The following SSBP2 variants were observed in gnomAD, a reference collection of about 807,000 sequenced individuals.
The protein encoded by SSBP2 is single stranded DNA binding protein 2.
SSBP2 carries 17 observed loss-of-function variants against 61.8 expected under a neutral mutation model. That is an observed-to-expected ratio of 0.28 (90% CI 0.19 to 0.41). The LOEUF is 0.41. Ranked by LOEUF, SSBP2 falls within the 10% of genes least tolerant of loss-of-function variation. The pLI is 1.00. For missense variants in SSBP2, 310 were observed against 458.7 expected, an observed-to-expected ratio of 0.68 and a Z score of 2.96; for synonymous variants, 139 against 141.3, an observed-to-expected ratio of 0.98 and a Z score of 0.12.
intron 1 of SSBP2, among the ~76,000 whole-genome samples, chr5:81,662,486 T>A (rs1260069164): frequency 6.6e-6 from 1 of 151,138 alleles, no homozygotes; most frequent in Non-Finnish European, 1.5e-5. Context: ...ACAAAAAAAA[T>A]TATTTCCAAT....
At chr5:81,633,108 CTTTTTTT>C (rs143423636) in intron 3 of SSBP2, among the ~76,000 whole-genome samples, 5 of 64,852 alleles carry the variant, frequency 7.7e-5, no homozygotes, top group Non-Finnish European at 1.3e-4. Flanking sequence ...GAGCCTCTGT[CTTTTTTT>C]TTTTTTTTTT....
At chr5:81,719,676 G>GGCAT (rs1269627027) in intron 1 of SSBP2, among the ~76,000 whole-genome samples, 1 of 152,134 alleles carries the variant, frequency 6.6e-6, no homozygotes, top group Non-Finnish European at 1.5e-5. Context: ...AGGAGGAGGA[G>GGCAT]GCATGCCATG....
intron 1 of SSBP2, among the ~76,000 whole-genome samples, chr5:81,747,860 C>G (rs1420089493): frequency 6.6e-6 from 1 of 152,114 alleles, no homozygotes; most frequent in Non-Finnish European, 1.5e-5. Flanking sequence ...AAGAAATGAC[C>G]TAACAAGATC....
chr5:81,553,320 T>C (rs1215451104), intron 4 of SSBP2, among the ~76,000 whole-genome samples: 2 of 152,170 alleles, frequency 1.3e-5, no homozygotes, highest in Non-Finnish European at 1.5e-5. Context: ...GGCTGAGAGA[T>C]CAATTCTAAA....
chr5:81,668,667 T>C (rs1296982313), intron 1 of SSBP2, among the ~76,000 whole-genome samples: 1 of 152,106 alleles, frequency 6.6e-6, no homozygotes, highest in African/African-American at 2.4e-5. Context: ...CACCAGACAA[T>C]AGGTAAATAA....
chr5:81,416,403 G>A lies in SSBP2; in HGVS notation c.*4101C>T, dbSNP rs761597720. On this transcript the variant is annotated 3_prime_UTR_variant, in exon 17 of 17. Transcript: ENST00000320672. Reference sequence around the variant, plus strand: ...CTCTTAGTACTATACACTATATGCAGATGAAAATGGTAAGGGCTGAGAAGG... The same window carrying A: ...CTCTTAGTACTATACACTATATGCAAATGAAAATGGTAAGGGCTGAGAAGG... The A allele has an allele frequency of 6.6e-6, 1 of 152,130 alleles. No homozygotes were observed. Among genetic ancestry groups the A allele is most frequent in the African/African-American group, 2.4e-5 (1 of 41,410 alleles). The allele number at this position is 152,130 out of a possible 1,614,324, so 9.4% of individuals were successfully genotyped here.
At chr5:81,589,891 G>T (rs894620439) in intron 4 of SSBP2, among the ~76,000 whole-genome samples, 1 of 152,018 alleles carries the variant, frequency 6.6e-6, no homozygotes, top group African/African-American at 2.4e-5. Flanking sequence ...GAGAGAGAGA[G>T]ATCAAACTCA....
intron 4 of SSBP2, among the ~76,000 whole-genome samples, chr5:81,558,400 A>G (rs1772772422): frequency 6.6e-6 from 1 of 152,236 alleles, no homozygotes; most frequent in Non-Finnish European, 1.5e-5. Context: ...TGGTTTGCAG[A>G]TGGCTATCTT....
intron 8 of SSBP2, among the ~76,000 whole-genome samples, chr5:81,469,789 A>T (rs1765130686): frequency 1.3e-5 from 2 of 152,000 alleles, no homozygotes; most frequent in South Asian, 4.1e-4. Context: ...AGAAAGAATA[A>T]CAACTTGCTT....
chr5:81,421,472 C>T lies in SSBP2; in HGVS notation c.1057-939G>A, dbSNP rs146656934. Among the ~76,000 whole-genome samples, 386 of 152,248 alleles carry T rather than the reference C, an allele frequency of 2.5e-3. 1 individual carries two copies. Among genetic ancestry groups the T allele is most frequent in the African/African-American group, 8.7e-3 (362 of 41,530 alleles). Reference sequence around the variant, plus strand: ...CCTCCCGAAGTGCTGAGATTACAGGCGTGAGACCCTGTGCTCGGCCTGTGA... The same window carrying T: ...CCTCCCGAAGTGCTGAGATTACAGGTGTGAGACCCTGTGCTCGGCCTGTGA... On this transcript the variant is annotated intron_variant, in intron 16 of 16. Coordinates refer to ENST00000320672, the MANE Select transcript of SSBP2 (RefSeq NM_012446.5).
chr5:81,510,753 T>C (rs1768539424), intron 5 of SSBP2, among the ~76,000 whole-genome samples: 1 of 147,350 alleles, frequency 6.8e-6, no homozygotes, highest in African/African-American at 2.6e-5. Context: ...ACAGCGAAAC[T>C]CCATCTCAAA....
chr5:81,432,799 G>T (rs1204575844), intron 15 of SSBP2, among the ~76,000 whole-genome samples: 4 of 124,258 alleles, frequency 3.2e-5, no homozygotes, highest in Admixed American at 7.9e-5. Flanking sequence ...CCGTCCGGGA[G>T]GGAGGTGGGG....
At chr5:81,522,134 C>G (rs1384744425) in intron 4 of SSBP2, among the ~76,000 whole-genome samples, 1 of 151,676 alleles carries the variant, frequency 6.6e-6, no homozygotes, top group Non-Finnish European at 1.5e-5. Flanking sequence ...CAAAGTAACC[C>G]AAAAATTCAT....
intron 4 of SSBP2, among the ~76,000 whole-genome samples, chr5:81,575,970 C>T (rs1445103346): frequency 6.6e-6 from 1 of 152,116 alleles, no homozygotes; most frequent in African/African-American, 2.4e-5. Context: ...CAATTCAATG[C>T]ACTTACCACA....
chr5:81,456,505 G>T (rs7711020), intron 10 of SSBP2, among the ~76,000 whole-genome samples: 68,677 of 151,410 alleles, frequency 0.45, 19,752 homozygotes, highest in African/African-American at 0.82. Flanking sequence ...TTTGGTTGGT[G>T]TTCCGGACCT....
intron 4 of SSBP2, among the ~76,000 whole-genome samples, chr5:81,596,720 C>G (rs1257742674): frequency 1.7e-4 from 13 of 76,358 alleles, no homozygotes; most frequent in African/African-American, 5.5e-4. Flanking sequence ...ACAAACCTGA[C>G]AAAAACAAGA....
chr5:81,430,309 A>G (rs1249697108), intron 15 of SSBP2, among the ~76,000 whole-genome samples: 2 of 152,162 alleles, frequency 1.3e-5, no homozygotes, highest in Non-Finnish European at 2.9e-5. Context: ...CTAGAATAAA[A>G]TACAATCTAA....
upstream of SSBP2, chr5:81,751,157 C>T (rs933344040): frequency 3.8e-5 from 41 of 1,082,126 alleles, no homozygotes; most frequent in Non-Finnish European, 5.0e-5. Context: ...TTGGCCGCCC[C>T]ACGCCAAAGC....
At chr5:81,594,938 G>A (rs1480779688) in intron 4 of SSBP2, among the ~76,000 whole-genome samples, 2 of 152,062 alleles carry the variant, frequency 1.3e-5, no homozygotes, top group East Asian at 1.9e-4. Context: ...AAGAACTAGA[G>A]AAGCAAGAGC....
Sources: gnomAD v4.1 joint callset for allele counts (sites outside exome capture counted in the v4.1 genomes callset) on GRCh38, gnomAD v4.1.1 for gene constraint, MANE v1.5 for transcripts, NCBI Gene and HGNC (gene_info 2026-07-23, HGNC 2026-07-21) for gene names.